ADAM10: variants seen among roughly 807,000 people sequenced by gnomAD.
The protein encoded by ADAM10 is disintegrin and metalloproteinase domain-containing protein 10.
In ADAM10, 17 loss-of-function variants were observed where a neutral mutation model predicts 90.1. That is an observed-to-expected ratio of 0.19 (90% confidence interval 0.13 to 0.28). The LOEUF (loss-of-function observed/expected upper bound fraction) is 0.28, where lower values mean the gene tolerates loss of function less well. ADAM10 is among the 10% of genes least tolerant of loss of function. The probability of loss-of-function intolerance (pLI) is 1.00; values close to 1 mark genes in which losing one functional copy is unlikely to be tolerated. For synonymous variants in ADAM10, 310 were observed against 298.6 expected (o/e 1.04, Z -0.40); for missense variants, 610 against 914.3 (o/e 0.67, Z 4.29).
At chr15:58,698,221 C>A (rs529043887) in intron 2 of ADAM10, 26 of 411,320 alleles carry the variant, frequency 6.3e-5, no homozygotes, top group African/African-American at 5.1e-4. Flanking sequence ...AAGTGAGGTA[C>A]AATATACAGA....
intron 2 of ADAM10, among the ~76,000 whole-genome samples, chr15:58,700,527 CGAAT>C (rs1171365473): frequency 6.6e-6 from 1 of 151,804 alleles, no homozygotes; most frequent in African/African-American, 2.4e-5. Flanking sequence ...ACAAATGAAA[CGAAT>C]GAAAATTTGA....
At chr15:58,748,839 G>C (rs1899878129) in intron 1 of ADAM10, 1 of 398,250 alleles carries the variant, frequency 2.5e-6, no homozygotes, top group Middle Eastern at 6.3e-4. Context: ...GAAGAACCGA[G>C]GCCACTAGTC....
chr15:58,686,206 C>A (rs1450670263), intron 2 of ADAM10, among the ~76,000 whole-genome samples: 8 of 152,100 alleles, frequency 5.3e-5, no homozygotes, highest in Non-Finnish European at 1.0e-4. Flanking sequence ...GTTAGTTGAC[C>A]AATTACTGGA....
In ADAM10 at chr15:58,695,979, GA is replaced by G. The variant is rs1202088416; in HGVS notation, c.207-13666del. On this transcript the variant is annotated intron_variant, in intron 2 of 15. Transcript: ENST00000260408. ...TGAAATTACAAAATGAGCCGGTTGT[GA>G]TGATACATGCCTGTAATCCCAGCTA... Among the ~76,000 whole-genome samples the G allele has an allele frequency of 8.0e-3, 1,223 of 152,242 alleles. 20 individuals are homozygous for G. The highest frequency in any genetic ancestry group is 0.028 in the African/African-American group (1,172 of 41,538).
intron 8 of ADAM10, among the ~76,000 whole-genome samples, chr15:58,639,963 T>C (rs1474044977): frequency 1.3e-5 from 2 of 151,940 alleles, no homozygotes; most frequent in African/African-American, 2.4e-5. Flanking sequence ...GAAGATAATA[T>C]ACTATTGATT....
Position 58,724,456 on chromosome 15 carries a change from A to G in ADAM10, c.56-6729T>C, listed in dbSNP as rs572316286. The stretch of plus-strand genomic sequence containing the variant: ...AGAAAACTAGATAAAAGATGTGACA[A>G]GAGAAACAAATGAAGTGAGATCTAC... On this transcript the variant is annotated intron_variant, in intron 1 of 15. Coordinates refer to ENST00000260408, the MANE Select transcript of ADAM10 (RefSeq NM_001110.4). 2.0e-5 allele frequency among the ~76,000 whole-genome samples: 3 copies of G among 152,358 alleles called. No individual in the cohort carries two copies. In the South Asian group the frequency reaches 6.2e-4, roughly 32 times the overall value.
chr15:58,630,855 T>C (rs1192659920), intron 9 of ADAM10, among the ~76,000 whole-genome samples: 2 of 152,180 alleles, frequency 1.3e-5, no homozygotes, highest in Admixed American at 6.5e-5. Context: ...TTGTATAATT[T>C]GGATGTCTGT....
At chr15:58,686,668 G>A in intron 2 of ADAM10, 1 of 714,026 alleles carries the variant, frequency 1.4e-6, no homozygotes, top group South Asian at 1.5e-5. Context: ...ACAAAGTGAT[G>A]AATGACTGCC....
chr15:58,703,490 C>T (rs1898189702), intron 2 of ADAM10, among the ~76,000 whole-genome samples: 1 of 152,108 alleles, frequency 6.6e-6, no homozygotes, highest in African/African-American at 2.4e-5. Context: ...TGTATGTATA[C>T]ATACAATAGA....
intron 5 of ADAM10, among the ~76,000 whole-genome samples, chr15:58,647,256 T>C (rs1017240941): frequency 0.15 from 13,562 of 91,944 alleles, 1,474 homozygotes; most frequent in South Asian, 0.39. Flanking sequence ...GTATTTTTTT[T>C]TTTTTTTTTT....
intron 2 of ADAM10, among the ~76,000 whole-genome samples, chr15:58,714,173 G>A (rs564150403): frequency 1.5e-4 from 23 of 152,248 alleles, no homozygotes; most frequent in African/African-American, 5.5e-4. Flanking sequence ...AGTAACATCT[G>A]TAAACATGGC....
intron 1 of ADAM10, among the ~76,000 whole-genome samples, chr15:58,718,855 CCT>C (rs1341807284): frequency 1.3e-4 from 20 of 152,132 alleles, no homozygotes; most frequent in African/African-American, 4.6e-4. Context: ...TTTGGTCTCC[CCT>C]GACCCTCAGC....
At chr15:58,655,731 A>AGTGTGTG (rs1218217032) in intron 5 of ADAM10, among the ~76,000 whole-genome samples, 1 of 95,864 alleles carries the variant, frequency 1.0e-5, no homozygotes, top group Admixed American at 1.2e-4. Context: ...ATATATATAT[A>AGTGTGTG]TATATATATT....
intron 1 of ADAM10, among the ~76,000 whole-genome samples, chr15:58,745,054 G>A (rs1219840748): frequency 6.6e-6 from 1 of 152,160 alleles, no homozygotes; most frequent in Non-Finnish European, 1.5e-5. Flanking sequence ...GTGGTGGTGC[G>A]CACCTGTAGT....
chr15:58,726,567 CAAAAAAAAAAAAA>C (rs71116593), intron 1 of ADAM10, among the ~76,000 whole-genome samples: 2 of 20,778 alleles, frequency 9.6e-5, no homozygotes, highest in African/African-American at 2.3e-4. Flanking sequence ...CTCAGTCTCC[CAAAAAAAAAAAAA>C]AAAAAAAAAA....
intron 1 of ADAM10, among the ~76,000 whole-genome samples, chr15:58,718,731 AT>A (rs1467814725): frequency 6.6e-6 from 1 of 152,164 alleles, no homozygotes; most frequent in Non-Finnish European, 1.5e-5. Flanking sequence ...TAGTTTCCAC[AT>A]ATGGGCTGAT....
chr15:58,607,717 C>A (rs1895316618), intron 14 of ADAM10, among the ~76,000 whole-genome samples: 1 of 151,868 alleles, frequency 6.6e-6, no homozygotes. Context: ...TAAATCTGAA[C>A]AAGTTAAAAA....
At position 58,691,676 on chromosome 15, in the gene ADAM10, C is replaced by CTTTT. The variant is rs71116587; in HGVS notation, c.207-9366_207-9363dup. 1,172 of 231,378 alleles carry CTTTT rather than the reference C, an allele frequency of 5.1e-3. 22 individuals are homozygous for CTTTT. The highest frequency in any genetic ancestry group is 0.017 in the African/African-American group (381 of 22,468). 14.3% of individuals were successfully genotyped at this position (231,378 alleles called of 1,614,324 possible). A position where few individuals can be genotyped will look rare whatever the true frequency, so the allele number is the denominator to read the frequency against. On this transcript the variant is annotated intron_variant, in intron 2 of 15. Coordinates refer to ENST00000260408, the MANE Select transcript of ADAM10 (RefSeq NM_001110.4). ...AGCTAAGCTCAAGCCACTTCTTCTT[C>CTTTT]TTTTTTTTTTTTTTTTTTTTTTTTT...
At chr15:58,611,610 C>T (rs1039110187) in intron 12 of ADAM10, 198 bp downstream of exon 12, 12 of 572,652 alleles carry the variant, frequency 2.1e-5, no homozygotes, top group Non-Finnish European at 3.7e-5. Context: ...GAATATCAAC[C>T]ACATGTACAT....
Sources: allele counts gnomAD v4.1 joint callset (sites outside exome capture counted in the v4.1 genomes callset), GRCh38; gene constraint gnomAD v4.1.1; transcripts MANE v1.5; gene names NCBI Gene and HGNC (gene_info 2026-07-23, HGNC 2026-07-21).